Variants in DENND1B observed in about 807,000 individuals in gnomAD.
The protein encoded by DENND1B is DENN domain containing 1B, also known as DENN domain-containing protein 1B.
In DENND1B, 59 loss-of-function variants were observed where a neutral mutation model predicts 90.1. The observed-to-expected ratio is 0.65, with a 90% CI of 0.53 to 0.81. The LOEUF (loss-of-function observed/expected upper bound fraction) is 0.81. Ranked by LOEUF, DENND1B falls within the 40% of genes least tolerant of loss-of-function variation. The pLI is 0.00. For synonymous variants in DENND1B, 337 were observed against 324.6 expected, an observed-to-expected ratio of 1.04 and a Z score of -0.41; for missense variants, 862 against 912.6, an observed-to-expected ratio of 0.94 and a Z score of 0.71.
Position 197,667,368 on chromosome 1 carries a change from T to TA in DENND1B, c.296+4668dup, listed in dbSNP as rs550657129. ...CCCATCAGCAATATTTTTTTCTCTT[T>TA]AAATCCCAATTTTCAAGGACACGGA... On this transcript the variant is annotated intron_variant, in intron 5 of 22. Transcript: ENST00000620048. 1.6e-3 allele frequency among the ~76,000 whole-genome samples: 250 copies of TA among 152,184 alleles called. 1 individual carries two copies. Among genetic ancestry groups the TA allele is most frequent in the Non-Finnish European group, 2.9e-3 (198 of 68,026 alleles).
intron 2 of DENND1B, among the ~76,000 whole-genome samples, chr1:197,771,839 A>G (rs146422406): frequency 3.5e-4 from 53 of 152,312 alleles, no homozygotes; most frequent in African/African-American, 1.3e-3. Flanking sequence ...AGAAAGACAT[A>G]CCATGCAAGA....
chr1:197,527,039 A>G (rs1313762361), intron 20 of DENND1B, among the ~76,000 whole-genome samples: 8 of 152,206 alleles, frequency 5.3e-5, no homozygotes, highest in Admixed American at 2.6e-4. Flanking sequence ...TTGGAAATTA[A>G]TATTATTTCA....
chr1:197,650,061 T>G (rs1049442932), intron 7 of DENND1B, among the ~76,000 whole-genome samples: 1 of 151,826 alleles, frequency 6.6e-6, no homozygotes, highest in African/African-American at 2.4e-5. Flanking sequence ...TAGACATTTC[T>G]CAAAAGAATA....
chr1:197,629,354 A>G (rs1322157021), intron 10 of DENND1B, among the ~76,000 whole-genome samples: 1 of 152,106 alleles, frequency 6.6e-6, no homozygotes, highest in Non-Finnish European at 1.5e-5. Context: ...GCCAGAAAAA[A>G]TGATGAGTTC....
chr1:197,511,680 G>A, intron 22 of DENND1B, 48 bp downstream of exon 22: 1 of 1,456,030 alleles, frequency 6.9e-7, no homozygotes. Context: ...CACAGCCAAG[G>A]CAAGAATATT....
At chr1:197,661,200 G>A (rs998032316) in intron 5 of DENND1B, among the ~76,000 whole-genome samples, 1 of 151,854 alleles carries the variant, frequency 6.6e-6, no homozygotes, top group East Asian at 1.9e-4. Context: ...ATTTTACTAT[G>A]TGTATCTTCC....
intron 20 of DENND1B, among the ~76,000 whole-genome samples, chr1:197,535,101 G>A (rs907397108): frequency 6.6e-6 from 1 of 152,170 alleles, no homozygotes; most frequent in African/African-American, 2.4e-5. Context: ...TGCAAATATA[G>A]TACCCTAAAT....
At chr1:197,770,808 ATAAAT>A (rs1656463400) in intron 2 of DENND1B, among the ~76,000 whole-genome samples, 1 of 140,536 alleles carries the variant, frequency 7.1e-6, no homozygotes, top group African/African-American at 2.6e-5. Context: ...AAATATATAT[ATAAAT>A]ATATATGTAA....
intron 2 of DENND1B, among the ~76,000 whole-genome samples, chr1:197,745,616 T>TTATATATATATA (rs60118343): frequency 1.4e-5 from 1 of 71,816 alleles, no homozygotes; most frequent in African/African-American, 6.9e-5. Context: ...CATATATATA[T>TTATATATATATA]TATATATATA....
chr1:197,652,621 A>C (rs1653360304), intron 6 of DENND1B, among the ~76,000 whole-genome samples: 1 of 152,104 alleles, frequency 6.6e-6, no homozygotes, highest in African/African-American at 2.4e-5. Context: ...TAAATCATTA[A>C]ATCCAATAAG....
intron 20 of DENND1B, among the ~76,000 whole-genome samples, chr1:197,518,569 G>C (rs957946517): frequency 6.6e-6 from 1 of 151,864 alleles, no homozygotes; most frequent in African/African-American, 2.4e-5. Context: ...AAGTTTTCTT[G>C]GGCTTAGTTG....
Position 197,749,359 on chromosome 1 carries a change from ATTTT to A in DENND1B, c.82+23505_82+23508del, listed in dbSNP as rs1653144580. On this transcript the variant is annotated intron_variant, in intron 2 of 22. Transcript: ENST00000620048. ...ACTAAACCTAGCACATAACAACCAA[ATTTT>A]TGAAAACCACAATAAAAAGGGAAAA... 2.0e-5 allele frequency among the ~76,000 whole-genome samples: 3 copies of A among 152,162 alleles called. No individual in the cohort carries two copies. The South Asian group carries it at 6.2e-4, about 32-fold the overall frequency.
chr1:197,745,698 A>G (rs1445157594), intron 2 of DENND1B, among the ~76,000 whole-genome samples: 1 of 150,102 alleles, frequency 6.7e-6, no homozygotes, highest in African/African-American at 2.4e-5. Flanking sequence ...ATCTTGAGTT[A>G]TAACTGTCTG....
At chr1:197,585,075 T>C (rs1188993401) in intron 14 of DENND1B, among the ~76,000 whole-genome samples, 2 of 152,200 alleles carry the variant, frequency 1.3e-5, no homozygotes, top group African/African-American at 4.8e-5. Flanking sequence ...AAATGTACTA[T>C]ATTTTCCACT....
intron 2 of DENND1B, among the ~76,000 whole-genome samples, chr1:197,725,384 A>C (rs1303567451): frequency 6.6e-6 from 1 of 152,136 alleles, no homozygotes; most frequent in East Asian, 1.9e-4. Flanking sequence ...GACAAAACTG[A>C]AAGATTTACC....
chr1:197,707,122 G>T (rs1413135286), intron 3 of DENND1B, among the ~76,000 whole-genome samples: 2 of 152,122 alleles, frequency 1.3e-5, no homozygotes, highest in Admixed American at 1.3e-4. Flanking sequence ...ACACAGATGG[G>T]CTTGGAGGAT....
At chr1:197,529,774 T>A (rs1669487905) in intron 20 of DENND1B, among the ~76,000 whole-genome samples, 1 of 152,210 alleles carries the variant, frequency 6.6e-6, no homozygotes, top group Admixed American at 6.5e-5. Context: ...TATGTTATCT[T>A]ATATTTTTCA....
intron 10 of DENND1B, among the ~76,000 whole-genome samples, chr1:197,639,140 T>C (rs185753417): frequency 1.3e-5 from 2 of 152,060 alleles, no homozygotes; most frequent in East Asian, 3.9e-4. Flanking sequence ...CTCGGTTCAC[T>C]GCAACCTCCG....
At chr1:197,647,373 G>T (rs1369822134) in intron 7 of DENND1B, among the ~76,000 whole-genome samples, 1 of 151,638 alleles carries the variant, frequency 6.6e-6, no homozygotes, top group African/African-American at 2.4e-5. Flanking sequence ...TCAAAAAAAA[G>T]CATTCTCATT....
Sources: allele counts gnomAD v4.1 joint callset (sites outside exome capture counted in the v4.1 genomes callset), GRCh38; gene constraint gnomAD v4.1.1; transcripts MANE v1.5; gene names NCBI Gene and HGNC (gene_info 2026-07-23, HGNC 2026-07-21).